Variants in GLIS3 observed in about 807,000 individuals in gnomAD.
GLIS3 encodes GLIS family zinc finger 3.
Under a neutral mutation model 78.6 loss-of-function variants are expected in GLIS3, and 53 were observed. The ratio of observed to expected loss-of-function variants is 0.67; its 90% CI spans 0.54 to 0.85. The LOEUF (loss-of-function observed/expected upper bound fraction) is 0.85. Ranked by LOEUF, GLIS3 falls within the 40% of genes least tolerant of loss-of-function variation. The pLI is 0.00. For synonymous variants in GLIS3, 684 were observed against 509.9 expected (o/e 1.34, Z -4.60); for missense variants, 1,703 against 1,231.1 (o/e 1.38, Z -5.74).
At chr9:4,301,994 T>C (rs1209736715), upstream of GLIS3, among the ~76,000 whole-genome samples, 1 of 148,922 alleles carries the variant, frequency 6.7e-6, no homozygotes, top group Non-Finnish European at 1.5e-5. Context: ...ATTTTTTTCT[T>C]TTTTTTTTTT....
chr9:4,110,092 G>C (rs570044038), intron 4 of GLIS3, among the ~76,000 whole-genome samples: 1 of 152,090 alleles, frequency 6.6e-6, no homozygotes, highest in African/African-American at 2.4e-5. Context: ...TGTATCCCCC[G>C]GGTAAGGTAT....
At chr9:4,257,612 C>T (rs1336669150) in intron 2 of GLIS3, among the ~76,000 whole-genome samples, 2 of 101,900 alleles carry the variant, frequency 2.0e-5, no homozygotes, top group South Asian at 3.9e-4. Flanking sequence ...CTCGCTCTGT[C>T]GCCCAGGTTG....
At chr9:4,255,032 A>T (rs184291438) in intron 2 of GLIS3, among the ~76,000 whole-genome samples, 76 of 152,294 alleles carry the variant, frequency 5.0e-4, no homozygotes, top group African/African-American at 1.8e-3. Flanking sequence ...GAAAACAACC[A>T]TCCCTATTAA....
intron 2 of GLIS3, among the ~76,000 whole-genome samples, chr9:4,170,486 T>C (rs1816283868): frequency 6.6e-6 from 1 of 152,164 alleles, no homozygotes; most frequent in African/African-American, 2.4e-5. Flanking sequence ...ATGGGAAATC[T>C]CTAATTCCAC....
intron 4 of GLIS3, among the ~76,000 whole-genome samples, chr9:4,075,914 A>G (rs1240170239): frequency 6.6e-6 from 1 of 152,182 alleles, no homozygotes; most frequent in South Asian, 2.1e-4. Flanking sequence ...AATCTAATCT[A>G]AAGGAATAGA....
chr9:4,143,564 C>T (rs1241366134), intron 2 of GLIS3, among the ~76,000 whole-genome samples: 1 of 142,766 alleles, frequency 7.0e-6, no homozygotes, highest in Admixed American at 7.0e-5. Context: ...AAGACTGTCT[C>T]AAAAAAAAAA....
chr9:3,983,305 T>C (rs755239306), intron 4 of GLIS3, among the ~76,000 whole-genome samples: 41 of 152,258 alleles, frequency 2.7e-4, no homozygotes, highest in Non-Finnish European at 1.5e-4. Context: ...TCCCCAGCCA[T>C]GTGGAACTGT....
At chr9:4,325,575 A>G (rs1817586796) in intron 2 of GLIS3, among the ~76,000 whole-genome samples, 1 of 152,160 alleles carries the variant, frequency 6.6e-6, no homozygotes, top group African/African-American at 2.4e-5. Context: ...CCACATTTCT[A>G]CTAATAACCT....
the GLIS3 span, among the ~76,000 whole-genome samples, chr9:4,402,516 T>C: frequency 1.3e-5 from 2 of 152,172 alleles, no homozygotes; most frequent in Non-Finnish European, 2.9e-5. Flanking sequence ...AATGGAGATA[T>C]GTGACCTAGC....
At chr9:3,898,040 AG>A (rs1314399456) in intron 7 of GLIS3, among the ~76,000 whole-genome samples, 2 of 152,260 alleles carry the variant, frequency 1.3e-5, no homozygotes, top group Admixed American at 6.5e-5. Context: ...CATTACAGAG[AG>A]TAGAAAATGC....
chr9:4,310,100 A>G (rs1393895255), intron 3 of GLIS3, among the ~76,000 whole-genome samples: 1 of 150,138 alleles, frequency 6.7e-6, no homozygotes, highest in Non-Finnish European at 1.5e-5. Context: ...TTTCCATATC[A>G]GGATTCTGCT....
chr9:4,483,723 GAA>G, the GLIS3 span, among the ~76,000 whole-genome samples: 2 of 108,582 alleles, frequency 1.8e-5, no homozygotes, highest in Admixed American at 9.8e-5. Context: ...TTCGTCTTGG[GAA>G]AAAAAAAAAA....
intron 6 of GLIS3, among the ~76,000 whole-genome samples, chr9:3,916,933 G>A (rs1346321043): frequency 6.6e-6 from 1 of 152,160 alleles, no homozygotes; most frequent in African/African-American, 2.4e-5. Flanking sequence ...AGACAGCACA[G>A]GGAGTCTAAA....
chr9:4,222,417 G>C (rs1821408930), intron 2 of GLIS3, among the ~76,000 whole-genome samples: 1 of 152,122 alleles, frequency 6.6e-6, no homozygotes, highest in African/African-American at 2.4e-5. Flanking sequence ...CTAGAAAATG[G>C]ACAGGCAAGA....
chr9:4,414,604 A>G, the GLIS3 span, among the ~76,000 whole-genome samples: 1 of 152,170 alleles, frequency 6.6e-6, no homozygotes. Context: ...ATCACTGACT[A>G]GACTTTTCAG....
the GLIS3 span, among the ~76,000 whole-genome samples, chr9:4,356,356 A>G: frequency 3.9e-5 from 6 of 152,324 alleles, no homozygotes; most frequent in East Asian, 5.8e-4. Flanking sequence ...TTTAAAGAGC[A>G]TGATTGGTTT....
chr9:3,842,385 T>A (rs1033105612), intron 9 of GLIS3, among the ~76,000 whole-genome samples: 8 of 152,208 alleles, frequency 5.3e-5, no homozygotes, highest in African/African-American at 1.9e-4. Flanking sequence ...CGCAGAAGAA[T>A]TGCTTGAACC....
intron 6 of GLIS3, among the ~76,000 whole-genome samples, chr9:3,899,499 G>C (rs112279939): frequency 1.2e-3 from 178 of 150,806 alleles, no homozygotes; most frequent in African/African-American, 4.1e-3. Context: ...TAATGAATAA[G>C]AATTTTTTAA....
chr9:3,900,374 C>CAA (rs1823203404), intron 6 of GLIS3, among the ~76,000 whole-genome samples: 1 of 151,340 alleles, frequency 6.6e-6, no homozygotes, highest in African/African-American at 2.4e-5. Context: ...AATATTGGTA[C>CAA]AAACAGTCTA....
Sources: gnomAD v4.1 joint callset for allele counts (sites outside exome capture counted in the v4.1 genomes callset) on GRCh38, gnomAD v4.1.1 for gene constraint, MANE v1.5 for transcripts, NCBI Gene and HGNC (gene_info 2026-07-23, HGNC 2026-07-21) for gene names.